Variants in CPAMD8 observed in about 807,000 individuals in gnomAD.
The protein encoded by CPAMD8 is C3 and PZP-like alpha-2-macroglobulin domain-containing protein 8.
In CPAMD8, 146 loss-of-function variants were observed where a neutral mutation model predicts 224.7. That is an observed-to-expected ratio of 0.65 (90% confidence interval 0.57 to 0.75). CPAMD8 has a LOEUF of 0.75. CPAMD8 is among the 30% of genes least tolerant of loss of function. The pLI is 0.00. For synonymous variants in CPAMD8, 966 were observed against 1,044.6 expected (o/e 0.92, Z 1.45); for missense variants, 2,301 against 2,537.5 (o/e 0.91, Z 2.00).
intron 25 of CPAMD8, 58 bp downstream of exon 25, chr19:16,927,951 T>C: frequency 7.9e-7 from 1 of 1,266,034 alleles, no homozygotes; most frequent in Admixed American, 1.7e-5. Context: ...AAGCCTGGAG[T>C]CTCAACTTCG....
rs1310029122 is a variant in CPAMD8 at position 16,907,722 on chromosome 19, C to T, written c.3862-605G>A. ...TCCTGGGCTTAAGCGATCCTCCCGC[C>T]TTGACCTCCCCAGTAACTGGGACTA... On this transcript the variant is annotated intron_variant, in intron 29 of 41. Transcript: ENST00000443236. 2.6e-5 allele frequency: 4 copies of T among 152,496 alleles called. No individual in the cohort carries two copies. The East Asian group carries it at 5.8e-4, about 22-fold the overall frequency. The allele number at this position is 152,496 out of a possible 1,614,324, so 9.4% of individuals were successfully genotyped here.
At chr19:17,026,491 G>A (rs898883723) in intron 1 of CPAMD8, 60 bp downstream of exon 1, 7 of 1,438,474 alleles carry the variant, frequency 4.9e-6, no homozygotes, top group Non-Finnish European at 6.4e-6. Context: ...CTCTGAGCCA[G>A]TACCCGCGAC....
intron 9 of CPAMD8, among the ~76,000 whole-genome samples, chr19:17,001,973 G>A (rs2056339417): frequency 6.6e-6 from 1 of 151,552 alleles, no homozygotes; most frequent in African/African-American, 2.4e-5. Context: ...TTTAGAGGGA[G>A]GAGGACACCC....
intron 13 of CPAMD8, among the ~76,000 whole-genome samples, chr19:16,982,230 C>G (rs2055540536): frequency 6.6e-6 from 1 of 151,976 alleles, no homozygotes; most frequent in Non-Finnish European, 1.5e-5. Context: ...CCCATCTCTA[C>G]AAAAATACAA....
At chr19:16,941,883 G>A (rs2053905081) in intron 22 of CPAMD8, among the ~76,000 whole-genome samples, 1 of 152,174 alleles carries the variant, frequency 6.6e-6, no homozygotes, top group South Asian at 2.1e-4. Flanking sequence ...TGAGGCAGGA[G>A]ACTCGCTTGA....
At chr19:16,917,063 C>G (rs116874369) in intron 27 of CPAMD8, among the ~76,000 whole-genome samples, 1 of 152,242 alleles carries the variant, frequency 6.6e-6, no homozygotes, top group East Asian at 1.9e-4. Context: ...CACTGTAAAA[C>G]GCAAACAGGA....
intron 27 of CPAMD8, among the ~76,000 whole-genome samples, chr19:16,917,114 G>A (rs559656721): frequency 1.3e-5 from 2 of 152,258 alleles, no homozygotes; most frequent in East Asian, 1.9e-4. Context: ...GCTCTCAGCC[G>A]GATTCAGTGG....
intron 19 of CPAMD8, chr19:16,957,602 G>A: frequency 2.1e-6 from 1 of 479,352 alleles, no homozygotes. Context: ...AGCAGATAGA[G>A]TAACCCCAAG....
intron 20 of CPAMD8, among the ~76,000 whole-genome samples, chr19:16,949,002 GAAAAGAAAAGAAA>G (rs2054212279): frequency 8.3e-6 from 1 of 120,822 alleles, no homozygotes; most frequent in South Asian, 2.9e-4. Flanking sequence ...GAAAGAGAGA[GAAAAGAAAAGAAA>G]GAAAGAAAAG....
rs186066974 is a variant in CPAMD8, at chr19:16,961,393, C to G, written c.2214-3478G>C. On this transcript the variant is annotated intron_variant, in intron 18 of 41. Coordinates refer to ENST00000443236, the MANE Select transcript of CPAMD8 (RefSeq NM_015692.5). ...TGCCTGGCTGGGCGGGTCCCACGCCCGCAGAGCCTTGCTCACTGCTAGCAC... is the reference window on the plus strand; with the variant it reads ...TGCCTGGCTGGGCGGGTCCCACGCCGGCAGAGCCTTGCTCACTGCTAGCAC... 2.0e-5 allele frequency among the ~76,000 whole-genome samples: 3 copies of G among 152,376 alleles called. No individual in the cohort carries two copies. The South Asian group carries it at 6.2e-4, about 32-fold the overall frequency.
At chr19:16,957,337 T>A (rs923207337) in intron 19 of CPAMD8, among the ~76,000 whole-genome samples, 13 of 152,188 alleles carry the variant, frequency 8.5e-5, no homozygotes, top group Admixed American at 1.3e-4. Flanking sequence ...CACTTTTTAC[T>A]AGTGTCATTG....
Position 16,906,981 on chromosome 19 carries a change from C to A in CPAMD8, c.3998G>T (p.Arg1333Leu), listed in dbSNP as rs764644028. ...LRSPAAPEAL[R>L]KLRSLAIMRD... ...CATGATGGCCAGGCTACGGAGCTTG[C>A]GCAGTGCCTCAGGGGCTGCCGGGCT... The change falls in exon 30 of 42, where the codon CGC (arginine) becomes CTC (leucine). Residue 1333 changes from arginine (R) to leucine (L), a missense_variant. By Grantham distance (102) the Arg-to-Leu change is moderately radical (BLOSUM62 -2). This residue lies in a region of CPAMD8 where 1,709 missense variants were observed against 1,753.2 expected (regional missense o/e 0.97). Transcript: ENST00000443236. The A allele has an allele frequency of 5.0e-6, 8 of 1,596,352 alleles. No individual in the cohort carries two copies. The East Asian group carries it at 1.8e-4, about 36-fold the overall frequency.
rs371123578 is a variant in CPAMD8 at position 16,945,585 on chromosome 19, G to A, written c.2757C>T (p.Ile919=). Residue 919 remains isoleucine (I), a synonymous_variant, in exon 22 of 42, where the codon ATC becomes ATT. Transcript: ENST00000443236. ...CACTGCGCCTGACGTGATCCACCCCGATGGGGACCCTCCTGTCGGCGTGAT... is the reference window on the plus strand; with the variant it reads ...CACTGCGCCTGACGTGATCCACCCCAATGGGGACCCTCCTGTCGGCGTGAT... ...EENHADRRVP[I]GVDHVRRSVM... The A allele has an allele frequency of 1.3e-4, 212 of 1,614,132 alleles. No homozygotes were observed. Among genetic ancestry groups the A allele is most frequent in the East Asian group, 2.0e-4 (9 of 44,884 alleles).
chr19:16,901,148 G>C, intron 36 of CPAMD8, 62 bp downstream of exon 36: 1 of 1,155,126 alleles, frequency 8.7e-7, no homozygotes, highest in Non-Finnish European at 1.3e-6. Context: ...GACCCTGGGT[G>C]CCTAAGCCCT....
chr19:17,002,064 C>T (rs3745342), intron 9 of CPAMD8, among the ~76,000 whole-genome samples: 35,029 of 147,172 alleles, frequency 0.24, 4,599 homozygotes, highest in African/African-American at 0.38. Context: ...GAGGAGGGGG[C>T]GCCTACTGGA....
intron 9 of CPAMD8, 82 bp downstream of exon 9, chr19:17,002,184 G>T (rs1160790034): frequency 2.2e-6 from 2 of 923,504 alleles, no homozygotes; most frequent in African/African-American, 3.3e-5. Context: ...GCAGAGGAGG[G>T]GAACGACCTT....
intron 3 of CPAMD8, among the ~76,000 whole-genome samples, chr19:17,018,467 T>A (rs2056867720): frequency 6.6e-6 from 1 of 152,064 alleles, no homozygotes; most frequent in African/African-American, 2.4e-5. Flanking sequence ...GTGAGAGGCT[T>A]GGGTCCTGCT....
chr19:16,946,404 C>T (rs1225101524), intron 21 of CPAMD8, among the ~76,000 whole-genome samples: 1 of 141,570 alleles, frequency 7.1e-6, no homozygotes, highest in African/African-American at 2.7e-5. Flanking sequence ...CATGTCTACA[C>T]ATGTGGGCAT....
At chr19:16,973,768 C>T (rs930271978) in intron 17 of CPAMD8, among the ~76,000 whole-genome samples, 3 of 151,956 alleles carry the variant, frequency 2.0e-5, no homozygotes, top group Non-Finnish European at 4.4e-5. Flanking sequence ...ATCCCAATCC[C>T]TTTCTATCTA....
Sources: gnomAD v4.1 joint callset for allele counts (sites outside exome capture counted in the v4.1 genomes callset) on GRCh38, gnomAD v4.1.1 for gene constraint, gnomAD v4.1.1 regional missense constraint, MANE v1.5 for transcripts, NCBI Gene and HGNC (gene_info 2026-07-23, HGNC 2026-07-21) for gene names.